ADAMTSL3: variants seen among roughly 807,000 people sequenced by gnomAD.
The protein encoded by ADAMTSL3 is ADAMTS-like protein 3.
ADAMTSL3 carries 128 observed loss-of-function variants against 201.7 expected under a neutral mutation model. That is an observed-to-expected ratio of 0.63 (90% CI 0.55 to 0.73). ADAMTSL3 has a LOEUF of 0.73. Ranked by LOEUF, ADAMTSL3 falls within the 30% of genes least tolerant of loss-of-function variation. The pLI, the probability that ADAMTSL3 is intolerant of heterozygous loss-of-function variation, is 0.00. For missense variants in ADAMTSL3, 1,990 were observed against 2,119.6 expected (o/e 0.94, Z 1.20); for synonymous variants, 738 against 748.4 (o/e 0.99, Z 0.23).
At chr15:83,917,758 CTCTT>C (rs759281770) in intron 16 of ADAMTSL3, among the ~76,000 whole-genome samples, 49 of 152,178 alleles carry the variant, frequency 3.2e-4, no homozygotes, top group East Asian at 7.7e-4. Flanking sequence ...CTCTGCAACT[CTCTT>C]TGTTTCATTT....
chr15:83,815,547 T>C (rs1254514811), intron 5 of ADAMTSL3, among the ~76,000 whole-genome samples: 1 of 152,226 alleles, frequency 6.6e-6, no homozygotes, highest in Non-Finnish European at 1.5e-5. Flanking sequence ...TGTTTGGCAT[T>C]TTGCTCCCTA....
Position 83,890,108 on chromosome 15 carries a change from G to A in ADAMTSL3, c.1073-1G>A. On this transcript the variant is annotated splice_acceptor_variant, in intron 10 of 29. Coordinates refer to ENST00000286744, the MANE Select transcript of ADAMTSL3 (RefSeq NM_207517.3). LOFTEE classifies it high-confidence loss of function. ...CAGACTTGCCTTTTCTAACACTTTAGGTTATCAGCTCAATTCTGCTGAATG... is the reference window on the plus strand; with the variant it reads ...CAGACTTGCCTTTTCTAACACTTTAAGTTATCAGCTCAATTCTGCTGAATG... The A allele has an allele frequency of 6.2e-7, 1 of 1,611,166 alleles. No homozygotes were observed. Among genetic ancestry groups the A allele is most frequent in the Non-Finnish European group, 8.5e-7 (1 of 1,178,684 alleles).
At chr15:83,921,327 A>G (rs997316709) in intron 16 of ADAMTSL3, among the ~76,000 whole-genome samples, 37 of 152,238 alleles carry the variant, frequency 2.4e-4, no homozygotes, top group African/African-American at 8.0e-4. Context: ...GGATGCTTCA[A>G]GAAAGCATAG....
In ADAMTSL3 at chr15:84,031,395, C is replaced by T. The variant is rs2068406727; in HGVS notation, c.4717C>T (p.His1573Tyr). 19 of 1,614,082 alleles carry T rather than the reference C, an allele frequency of 1.2e-5. No homozygotes were observed. The highest frequency in any genetic ancestry group is 1.6e-5 in the Non-Finnish European group (19 of 1,180,010). The change falls in exon 28 of 30, where the codon CAC (histidine) becomes TAC (tyrosine). Residue 1573 changes from histidine (H) to tyrosine (Y), a missense_variant. Physicochemically the swap from His to Tyr is moderately conservative, Grantham distance 83. Coordinates refer to ENST00000286744, the MANE Select transcript of ADAMTSL3 (RefSeq NM_207517.3). ...GCAGCAGCGTCACACAGCTTGTCAA[C>T]ACAACAGCTCTGACTCCAACTGTGA... Reference protein sequence around the residue: ...RMQQRHTACQHNSSDSNCDDR... With the variant: ...RMQQRHTACQYNSSDSNCDDR...
rs372105908 is a variant in ADAMTSL3 at position 83,885,119 on chromosome 15, A to G, written c.979A>G (p.Lys327Glu). ...FIFKTRYTAA[K>E]DSVVQFFFYQ... ...TGTCCAGACCAGGTACACTGCAGCC[A>G]AAGACAGCGTGGTTCAGTTCTTCTT... The change falls in exon 10 of 30, where the codon AAA becomes GAA. Residue 327 changes from lysine (K) to glutamate (E), a missense_variant. Physicochemically the swap from Lys to Glu is moderately conservative, Grantham distance 56 (BLOSUM62 1). Transcript: ENST00000286744. 5 of 1,613,962 alleles carry G rather than the reference A, an allele frequency of 3.1e-6. No homozygotes were observed. In the African/African-American group the frequency reaches 6.7e-5, roughly 22 times the overall value.
chr15:83,811,115 T>C (rs1028341732), intron 5 of ADAMTSL3, among the ~76,000 whole-genome samples: 3 of 152,170 alleles, frequency 2.0e-5, no homozygotes, highest in African/African-American at 7.2e-5. Flanking sequence ...TCCTAGATAA[T>C]TTCTCCGTCT....
In ADAMTSL3 at chr15:83,858,815, T is replaced by TA. The variant is rs2064795871; in HGVS notation, c.778dup (p.Thr260AsnfsTer11). ...CTTTGGGAAGTCGAAGTGTGAGAATTACAGTGAAAGGACCTGCCCACCTCT... is the reference window on the plus strand; with the variant it reads ...CTTTGGGAAGTCGAAGTGTGAGAATTAACAGTGAAAGGACCTGCCCACCTCT... On this transcript the variant is annotated frameshift_variant, in exon 8 of 30. Coordinates refer to ENST00000286744, the MANE Select transcript of ADAMTSL3 (RefSeq NM_207517.3). LOFTEE classifies it high-confidence loss of function. 1.9e-6 allele frequency: 3 copies of TA among 1,613,566 alleles called. No homozygotes were observed. Among genetic ancestry groups the TA allele is most frequent in the Non-Finnish European group, 2.5e-6 (3 of 1,179,712 alleles).
intron 3 of ADAMTSL3, among the ~76,000 whole-genome samples, chr15:83,745,991 C>T (rs759159022): frequency 1.3e-5 from 2 of 152,060 alleles, no homozygotes; most frequent in Non-Finnish European, 2.9e-5. Context: ...AACATAATGC[C>T]ATGCCAAAGG....
chr15:83,961,007 C>T (rs1305534551), intron 19 of ADAMTSL3, among the ~76,000 whole-genome samples: 1 of 152,094 alleles, frequency 6.6e-6, no homozygotes, highest in Non-Finnish European at 1.5e-5. Context: ...AGGTTCTATA[C>T]TTCCAAGGAA....
At chr15:83,927,248 C>T (rs2141997916) in intron 17 of ADAMTSL3, among the ~76,000 whole-genome samples, 1 of 152,162 alleles carries the variant, frequency 6.6e-6, no homozygotes, top group African/African-American at 2.4e-5. Context: ...TCCTGAGTAG[C>T]TGAGACTACA....
chr15:83,990,433 G>A (rs2067561584), intron 22 of ADAMTSL3, among the ~76,000 whole-genome samples: 1 of 152,220 alleles, frequency 6.6e-6, no homozygotes, highest in East Asian at 1.9e-4. Context: ...CTTATCGAAA[G>A]AGGAGATACT....
chr15:83,767,538 A>G (rs771425000), intron 3 of ADAMTSL3, among the ~76,000 whole-genome samples: 1 of 152,244 alleles, frequency 6.6e-6, no homozygotes, highest in African/African-American at 2.4e-5. Flanking sequence ...CTGGGTTACA[A>G]TCAGGCCAAA....
At chr15:83,682,220 A>T (rs2061485121) in intron 2 of ADAMTSL3, among the ~76,000 whole-genome samples, 1 of 152,130 alleles carries the variant, frequency 6.6e-6, no homozygotes, top group African/African-American at 2.4e-5. Context: ...TTAGAGACTC[A>T]GGGATGGGAT....
intron 16 of ADAMTSL3, among the ~76,000 whole-genome samples, chr15:83,920,948 G>C (rs78652267): frequency 0.015 from 2,333 of 152,154 alleles, 60 homozygotes; most frequent in African/African-American, 0.05. Context: ...CCCACTTATT[G>C]TTATATTCAA....
chr15:83,959,862 A>G (rs1048449855), intron 19 of ADAMTSL3, among the ~76,000 whole-genome samples: 2 of 152,236 alleles, frequency 1.3e-5, no homozygotes, highest in Non-Finnish European at 2.9e-5. Context: ...ACAGTCACAG[A>G]AGACTTTGCT....
At chr15:83,956,423 T>G (rs914581813) in intron 19 of ADAMTSL3, among the ~76,000 whole-genome samples, 8 of 152,230 alleles carry the variant, frequency 5.3e-5, no homozygotes, top group Non-Finnish European at 1.2e-4. Context: ...GGTGCTTTTT[T>G]GTTCACAGAT....
At chr15:83,866,663 G>A (rs1174584142) in intron 8 of ADAMTSL3, among the ~76,000 whole-genome samples, 1 of 152,114 alleles carries the variant, frequency 6.6e-6, no homozygotes, top group East Asian at 1.9e-4. Context: ...CATGTTAAAT[G>A]ACGAGTTAAT....
rs946692280 is a variant in ADAMTSL3 at position 83,938,053 on chromosome 15, TTAATC to T, written c.2118-4539_2118-4535del. ...CATTACTGTCACATTGTAAAGATAT[TTAATC>T]TAAAAAAGTTTATTGACTATGGAAA... On this transcript the variant is annotated intron_variant, in intron 17 of 29. Coordinates refer to ENST00000286744, the MANE Select transcript of ADAMTSL3 (RefSeq NM_207517.3). Among the ~76,000 whole-genome samples the T allele has an allele frequency of 2.7e-5, 4 of 147,160 alleles. No individual in the cohort carries two copies. The East Asian group carries it at 7.7e-4, about 28-fold the overall frequency.
intron 6 of ADAMTSL3, among the ~76,000 whole-genome samples, chr15:83,826,666 C>T (rs1165138152): frequency 7.8e-6 from 1 of 128,290 alleles, no homozygotes; most frequent in Non-Finnish European, 1.7e-5. Flanking sequence ...CCCCCTCCCC[C>T]CACCCCACAA....
Sources: gnomAD v4.1 joint callset for allele counts (sites outside exome capture counted in the v4.1 genomes callset) on GRCh38, gnomAD v4.1.1 for gene constraint, MANE v1.5 for transcripts, NCBI Gene and HGNC (gene_info 2026-07-23, HGNC 2026-07-21) for gene names.